The following DPYD variants were observed in gnomAD, a reference collection of about 807,000 sequenced individuals.
DPYD encodes dihydropyrimidine dehydrogenase [NADP(+)].
A neutral mutation model predicts 116.2 loss-of-function variants in DPYD; 109 were observed. The ratio of observed to expected loss-of-function variants is 0.94; its 90% CI spans 0.80 to 1.10. The LOEUF (loss-of-function observed/expected upper bound fraction) is 1.10. Ranked by LOEUF, DPYD falls within the 50% of genes least tolerant of loss-of-function variation. DPYD has a pLI of 0.00. For missense variants in DPYD, 1,302 were observed against 1,254.5 expected (o/e 1.04, Z -0.57); for synonymous variants, 440 against 432.0 (o/e 1.02, Z -0.23).
chr1:97,257,873 G>A (rs1025066558), intron 18 of DPYD, among the ~76,000 whole-genome samples: 2 of 152,056 alleles, frequency 1.3e-5, no homozygotes, highest in African/African-American at 2.4e-5. Context: ...TTATTATAAT[G>A]TATGTTAATG....
intron 8 of DPYD, among the ~76,000 whole-genome samples, chr1:97,655,935 C>CTTTACTTTTTAATTTTTACTTTTTAATT (rs1658879194): frequency 1.3e-5 from 2 of 152,112 alleles, no homozygotes; most frequent in African/African-American, 4.8e-5. Context: ...GAAGGACACA[C>CTTTACTTTTTAATTTTTACTTTTTAATT]TTTACTTTTT....
At chr1:97,188,653 G>A (rs1658158068) in intron 20 of DPYD, among the ~76,000 whole-genome samples, 1 of 152,146 alleles carries the variant, frequency 6.6e-6, no homozygotes, top group South Asian at 2.1e-4. Flanking sequence ...CCAAGGAAGA[G>A]GGTCATAGAC....
chr1:97,161,484 C>G (rs893678251), intron 20 of DPYD, among the ~76,000 whole-genome samples: 7 of 152,108 alleles, frequency 4.6e-5, no homozygotes, highest in African/African-American at 1.7e-4. Context: ...AGCCAATCAA[C>G]AAACAGCCAT....
intron 16 of DPYD, among the ~76,000 whole-genome samples, chr1:97,333,423 C>A (rs985123166): frequency 2.6e-5 from 4 of 151,716 alleles, no homozygotes; most frequent in Non-Finnish European, 4.4e-5. Context: ...TGGTCTTGAT[C>A]TCCTGACCTT....
intron 22 of DPYD, among the ~76,000 whole-genome samples, chr1:97,082,090 T>C (rs1483088198): frequency 1.3e-5 from 2 of 152,152 alleles, no homozygotes; most frequent in Non-Finnish European, 2.9e-5. Flanking sequence ...TTGTGGCTGA[T>C]GAAATGGTAT....
At chr1:97,376,951 A>G (rs1163500708) in intron 15 of DPYD, among the ~76,000 whole-genome samples, 1 of 148,188 alleles carries the variant, frequency 6.7e-6, no homozygotes, top group African/African-American at 2.5e-5. Flanking sequence ...CTTTTACTCC[A>G]TCCTAGCTGT....
At position 97,191,722 on chromosome 1, in the gene DPYD, T is replaced by A. The variant is rs543562326; in HGVS notation, c.2622+1347A>T. Among the ~76,000 whole-genome samples, 6 of 152,282 alleles carry A rather than the reference T, an allele frequency of 3.9e-5. 1 individual carries two copies. In the South Asian group the frequency reaches 1.2e-3, roughly 32 times the overall value. On this transcript the variant is annotated intron_variant, in intron 20 of 22. Coordinates refer to ENST00000370192, the MANE Select transcript of DPYD (RefSeq NM_000110.4). The stretch of plus-strand genomic sequence containing the variant: ...CAACCACCCAAATTTGAGACAATGA[T>A]TTTATAGATGGTCATAAACTATCAT...
chr1:97,914,393 T>C (rs1674117705), intron 1 of DPYD, among the ~76,000 whole-genome samples: 1 of 152,176 alleles, frequency 6.6e-6, no homozygotes, highest in African/African-American at 2.4e-5. Context: ...AGTTAGCACA[T>C]GGAAATACAA....
At chr1:97,212,542 C>CT (rs1000488071) in intron 19 of DPYD, among the ~76,000 whole-genome samples, 1 of 151,968 alleles carries the variant, frequency 6.6e-6, no homozygotes, top group Non-Finnish European at 1.5e-5. Context: ...GTATGCAAGT[C>CT]TTTTTTTCTG....
chr1:97,747,985 C>T (rs1440338007), intron 3 of DPYD, among the ~76,000 whole-genome samples: 1 of 152,158 alleles, frequency 6.6e-6, no homozygotes, highest in Non-Finnish European at 1.5e-5. Flanking sequence ...TCTCTACAAT[C>T]TTCAATATAT....
At chr1:97,414,298 T>C (rs1366915966) in intron 14 of DPYD, among the ~76,000 whole-genome samples, 2 of 152,200 alleles carry the variant, frequency 1.3e-5, no homozygotes, top group Non-Finnish European at 2.9e-5. Flanking sequence ...CTTGGTTGAG[T>C]AGACAATTTC....
rs1436090939 is a variant in DPYD, at chr1:97,739,968, T to C, written c.321+424A>G. 3.3e-5 allele frequency among the ~76,000 whole-genome samples: 5 copies of C among 152,142 alleles called. 1 individual carries two copies. The highest frequency in any genetic ancestry group is 1.5e-5 in the Non-Finnish European group (1 of 68,006). On this transcript the variant is annotated intron_variant, in intron 4 of 22. Coordinates refer to ENST00000370192, the MANE Select transcript of DPYD (RefSeq NM_000110.4). ...TATTTCAAGTCTTAAACATATTAAC[T>C]GAATTTTAGTTAAAAAAGTCTATTA... is the stretch of plus-strand genomic sequence containing the variant.
intron 16 of DPYD, among the ~76,000 whole-genome samples, chr1:97,322,244 T>TAATA (rs1022810706): frequency 6.8e-6 from 1 of 147,172 alleles, no homozygotes; most frequent in Non-Finnish European, 1.5e-5. Context: ...TAAAAAAAAA[T>TAATA]AATAAATAAA....
intron 20 of DPYD, among the ~76,000 whole-genome samples, chr1:97,144,743 G>T (rs1263417105): frequency 6.6e-6 from 1 of 152,122 alleles, no homozygotes; most frequent in Non-Finnish European, 1.5e-5. Flanking sequence ...TTGTGCTTTT[G>T]GTTGATCAGA....
intron 16 of DPYD, among the ~76,000 whole-genome samples, chr1:97,332,197 A>G (rs1170046395): frequency 6.6e-6 from 1 of 152,116 alleles, no homozygotes; most frequent in African/African-American, 2.4e-5. Context: ...GCTTCTCTAC[A>G]ATGAGGCACA....
At chr1:97,236,352 C>T (rs1221964339) in intron 18 of DPYD, among the ~76,000 whole-genome samples, 1 of 151,708 alleles carries the variant, frequency 6.6e-6, no homozygotes, top group Non-Finnish European at 1.5e-5. Context: ...TGAGGTAGCA[C>T]ACACAGCCTT....
chr1:97,450,289 C>T lies in DPYD; in HGVS notation c.1741-66G>A, dbSNP rs1164568861. The T allele has an allele frequency of 2.9e-5, 45 of 1,559,274 alleles. No homozygotes were observed. In the South Asian group the frequency reaches 5.2e-4, roughly 18 times the overall value. On this transcript the variant is annotated intron_variant, in intron 13 of 22. Coordinates refer to ENST00000370192, the MANE Select transcript of DPYD (RefSeq NM_000110.4). ...GAAAAGCTATAATCTTTATTATCTG[C>T]TCATTTCCATATGACAATATTTTAT...
intron 18 of DPYD, among the ~76,000 whole-genome samples, chr1:97,258,825 G>C (rs1053663862): frequency 6.6e-6 from 1 of 152,174 alleles, no homozygotes; most frequent in Non-Finnish European, 1.5e-5. Flanking sequence ...AAGTGAAAGT[G>C]ATTAGCAGAT....
At chr1:97,143,614 C>T (rs1006035870) in intron 20 of DPYD, among the ~76,000 whole-genome samples, 4 of 152,094 alleles carry the variant, frequency 2.6e-5, no homozygotes, top group African/African-American at 4.8e-5. Context: ...ATAATCCTCA[C>T]CTCTTTTCAC....
Sources: gnomAD v4.1 joint callset for allele counts (sites outside exome capture counted in the v4.1 genomes callset) on GRCh38, gnomAD v4.1.1 for gene constraint, MANE v1.5 for transcripts, NCBI Gene and HGNC (gene_info 2026-07-23, HGNC 2026-07-21) for gene names.